The following SEMA3E variants were observed in gnomAD, a reference collection of about 807,000 sequenced individuals.
SEMA3E encodes semaphorin-3E.
A neutral mutation model predicts 93.6 loss-of-function variants in SEMA3E; 49 were observed. The observed-to-expected ratio is 0.52, with a 90% CI of 0.42 to 0.66. The LOEUF is 0.66. SEMA3E is among the 30% of genes least tolerant of loss of function. SEMA3E has a pLI of 0.00. For synonymous variants in SEMA3E, 363 were observed against 330.7 expected, an observed-to-expected ratio of 1.10 and a Z score of -1.06; for missense variants, 906 against 964.8, an observed-to-expected ratio of 0.94 and a Z score of 0.81.
chr7:83,549,936 C>A (rs1791725303), intron 1 of SEMA3E, among the ~76,000 whole-genome samples: 1 of 151,980 alleles, frequency 6.6e-6, no homozygotes, highest in African/African-American at 2.4e-5. Context: ...CAATCTTTTT[C>A]TAGGTTAAAG....
In SEMA3E at chr7:83,390,107, G is replaced by A. The variant is rs1326541816; in HGVS notation, c.1667+2448C>T. On this transcript the variant is annotated intron_variant, in intron 14 of 16. Coordinates refer to ENST00000643230, the MANE Select transcript of SEMA3E (RefSeq NM_012431.3). ...TGCACATATATGCGCGTATACGTGT[G>A]CACATATATGCGCGTATACGTGTGC... Among the ~76,000 whole-genome samples the A allele has an allele frequency of 1.3e-4, 12 of 95,944 alleles. No individual in the cohort carries two copies. The East Asian group carries it at 2.4e-3, about 19-fold the overall frequency. 62.9% of individuals were successfully genotyped at this position (95,944 alleles called of 152,430 possible).
intron 1 of SEMA3E, among the ~76,000 whole-genome samples, chr7:83,567,041 A>G (rs1001617534): frequency 2.6e-5 from 4 of 152,196 alleles, no homozygotes; most frequent in Non-Finnish European, 4.4e-5. Flanking sequence ...CCAGATACAC[A>G]TAGACAAAAA....
At chr7:83,533,575 A>G (rs1425932399) in intron 1 of SEMA3E, among the ~76,000 whole-genome samples, 1 of 104,470 alleles carries the variant, frequency 9.6e-6, no homozygotes, top group Non-Finnish European at 2.3e-5. Context: ...ATAAAATAAA[A>G]TAAAATAAAA....
chr7:83,594,503 C>A (rs1040523824), intron 1 of SEMA3E, among the ~76,000 whole-genome samples: 3 of 152,094 alleles, frequency 2.0e-5, no homozygotes, highest in African/African-American at 4.8e-5. Context: ...GGGTCTCCCC[C>A]AGATTGCCAA....
chr7:83,392,480 A>T, intron 14 of SEMA3E, 75 bp downstream of exon 14: 1 of 1,243,444 alleles, frequency 8.0e-7, no homozygotes, highest in South Asian at 1.3e-5. Context: ...GAAAACTTCA[A>T]GTTAAAAAAA....
chr7:83,537,264 A>C (rs1339689426), intron 1 of SEMA3E, among the ~76,000 whole-genome samples: 1 of 152,180 alleles, frequency 6.6e-6, no homozygotes, highest in Non-Finnish European at 1.5e-5. Flanking sequence ...TAAGATATAC[A>C]CATTCACAGT....
chr7:83,635,888 A>C (rs1372494494), intron 1 of SEMA3E, among the ~76,000 whole-genome samples: 1 of 151,774 alleles, frequency 6.6e-6, no homozygotes, highest in Non-Finnish European at 1.5e-5. Context: ...TGACAAAAAA[A>C]AAAAAAATCT....
At chr7:83,520,266 G>T (rs1791017238) in intron 1 of SEMA3E, among the ~76,000 whole-genome samples, 1 of 152,034 alleles carries the variant, frequency 6.6e-6, no homozygotes, top group Non-Finnish European at 1.5e-5. Context: ...CCATTCATTA[G>T]GAGATTGGGG....
intron 1 of SEMA3E, among the ~76,000 whole-genome samples, chr7:83,574,317 A>T (rs150216778): frequency 6.6e-6 from 1 of 152,290 alleles, no homozygotes; most frequent in Non-Finnish European, 1.5e-5. Flanking sequence ...TGTAGTATAA[A>T]TGAGAATGGG....
intron 1 of SEMA3E, among the ~76,000 whole-genome samples, chr7:83,526,707 C>G (rs1470588436): frequency 1.3e-5 from 2 of 152,106 alleles, no homozygotes; most frequent in Admixed American, 1.3e-4. Context: ...TGTTTTCTAT[C>G]CCCTTCTTAT....
intron 5 of SEMA3E, among the ~76,000 whole-genome samples, chr7:83,413,206 G>T (rs188473565): frequency 9.9e-5 from 15 of 152,092 alleles, no homozygotes; most frequent in African/African-American, 3.6e-4. Context: ...AACGTATCAA[G>T]AGTTTTGTTC....
chr7:83,627,628 C>CTTTTTTTTTTTTTTTTTTT (rs746550123), intron 1 of SEMA3E, among the ~76,000 whole-genome samples: 6 of 65,346 alleles, frequency 9.2e-5, no homozygotes, highest in Admixed American at 2.0e-4. Context: ...GCAACCCCTG[C>CTTTTTTTTTTTTTTTTTTT]TTTTTTTTTT....
chr7:83,562,372 G>T (rs1355895861), intron 1 of SEMA3E, among the ~76,000 whole-genome samples: 1 of 151,916 alleles, frequency 6.6e-6, no homozygotes, highest in Non-Finnish European at 1.5e-5. Context: ...TTCCCACCTT[G>T]CTCTGGCTCC....
intron 1 of SEMA3E, among the ~76,000 whole-genome samples, chr7:83,567,001 G>A (rs1016278594): frequency 5.3e-5 from 8 of 152,126 alleles, no homozygotes; most frequent in African/African-American, 1.9e-4. Flanking sequence ...AAAGAAGAAC[G>A]ACTGCCTTCA....
chr7:83,592,716 G>A (rs1163816371), intron 1 of SEMA3E, among the ~76,000 whole-genome samples: 1 of 152,108 alleles, frequency 6.6e-6, no homozygotes, highest in African/African-American at 2.4e-5. Flanking sequence ...TACCAAATTT[G>A]CGAGTAATTG....
At chr7:83,515,234 T>C (rs973332456) in intron 1 of SEMA3E, among the ~76,000 whole-genome samples, 13 of 151,222 alleles carry the variant, frequency 8.6e-5, no homozygotes, top group Admixed American at 3.3e-4. Flanking sequence ...GAAGTTCCTG[T>C]GCTGCAGGTG....
chr7:83,607,957 C>T (rs1793161149), intron 1 of SEMA3E, among the ~76,000 whole-genome samples: 1 of 152,116 alleles, frequency 6.6e-6, no homozygotes, highest in Non-Finnish European at 1.5e-5. Flanking sequence ...TGGCTCCCAC[C>T]TATAATCCTA....
At chr7:83,592,021 A>T (rs1213659678) in intron 1 of SEMA3E, among the ~76,000 whole-genome samples, 3 of 152,064 alleles carry the variant, frequency 2.0e-5, no homozygotes, top group Non-Finnish European at 4.4e-5. Context: ...GTTTTGTTCC[A>T]ATTGTGAGAA....
intron 1 of SEMA3E, among the ~76,000 whole-genome samples, chr7:83,524,447 C>G (rs926188023): frequency 2.0e-5 from 3 of 152,096 alleles, no homozygotes; most frequent in African/African-American, 4.8e-5. Context: ...AGTTTCATTA[C>G]TCACTAAGTT....
Sources: gnomAD v4.1 joint callset for allele counts (sites outside exome capture counted in the v4.1 genomes callset) on GRCh38, gnomAD v4.1.1 for gene constraint, MANE v1.5 for transcripts, NCBI Gene and HGNC (gene_info 2026-07-23, HGNC 2026-07-21) for gene names.